PLPPR1: variants seen among roughly 807,000 people sequenced by gnomAD.
PLPPR1 encodes the protein phospholipid phosphatase-related protein type 1.
Under a neutral mutation model 33.1 loss-of-function variants are expected in PLPPR1, and 10 were observed. The ratio of observed to expected loss-of-function variants is 0.30; its 90% CI spans 0.19 to 0.51. The LOEUF is 0.51. PLPPR1 is among the 20% of genes least tolerant of loss of function. PLPPR1 has a pLI of 0.97. For synonymous variants in PLPPR1, 151 were observed against 151.0 expected (o/e 1.00, Z 0.00); for missense variants, 304 against 408.1 (o/e 0.74, Z 2.20).
chr9:101,245,996 C>T (rs1423713393), intron 2 of PLPPR1, among the ~76,000 whole-genome samples: 1 of 147,076 alleles, frequency 6.8e-6, no homozygotes, highest in Non-Finnish European at 1.5e-5. Context: ...ATTGTTTTAC[C>T]TCTGGGTCAA....
rs1187158033 is a variant in PLPPR1 at position 101,153,491 on chromosome 9, C to T, written c.-45-31959C>T. Among the ~76,000 whole-genome samples the T allele has an allele frequency of 2.0e-5, 3 of 152,214 alleles. No homozygotes were observed. In the East Asian group the frequency reaches 5.8e-4, roughly 29 times the overall value. ...GTGCCAGTTTTCAAAGGGAATGCTT[C>T]CAGTTTTTGCCCATTCAGTATGATA... On this transcript the variant is annotated intron_variant, in intron 1 of 7. Coordinates refer to ENST00000374874, the MANE Select transcript of PLPPR1 (RefSeq NM_207299.2).
At chr9:101,119,588 G>A (rs1831153873) in intron 1 of PLPPR1, among the ~76,000 whole-genome samples, 1 of 152,186 alleles carries the variant, frequency 6.6e-6, no homozygotes, top group Non-Finnish European at 1.5e-5. Context: ...TGAGGAGCTG[G>A]CACCTTGAAA....
Position 101,094,273 on chromosome 9 carries a change from A to AT in PLPPR1, c.-46+65177dup, listed in dbSNP as rs528272080. On this transcript the variant is annotated intron_variant, in intron 1 of 7. Transcript: ENST00000374874. ...GTTCTAACCTTCCTCTATAGCTCGC[A>AT]TTTTTTCTATTCTCTGTATAGTATC... 2.6e-3 allele frequency among the ~76,000 whole-genome samples: 389 copies of AT among 152,052 alleles called. 1 individual carries two copies. The highest frequency in any genetic ancestry group is 0.01 in the Middle Eastern group (3 of 294).
At chr9:101,085,891 C>A (rs1005803369) in intron 1 of PLPPR1, among the ~76,000 whole-genome samples, 2 of 152,068 alleles carry the variant, frequency 1.3e-5, no homozygotes, top group African/African-American at 4.8e-5. Flanking sequence ...TCATCCCAAT[C>A]AAGACCTTAA....
chr9:101,263,381 G>A (rs1827934866), intron 2 of PLPPR1, among the ~76,000 whole-genome samples: 1 of 152,168 alleles, frequency 6.6e-6, no homozygotes, highest in African/African-American at 2.4e-5. Flanking sequence ...AATGAAGCAT[G>A]TAATTCCTGC....
chr9:101,301,731 GT>G (rs964594889), intron 4 of PLPPR1, among the ~76,000 whole-genome samples: 1 of 152,160 alleles, frequency 6.6e-6, no homozygotes, highest in Non-Finnish European at 1.5e-5. Context: ...CACCGAATGT[GT>G]TTGTCATACT....
At chr9:101,101,182 G>A (rs563513427) in intron 1 of PLPPR1, among the ~76,000 whole-genome samples, 2 of 152,236 alleles carry the variant, frequency 1.3e-5, no homozygotes, top group African/African-American at 4.8e-5. Flanking sequence ...TGGCAGTCAT[G>A]AATTCTTCTA....
chr9:101,258,839 T>C (rs1298634751), intron 2 of PLPPR1, among the ~76,000 whole-genome samples: 2 of 152,106 alleles, frequency 1.3e-5, no homozygotes, highest in African/African-American at 4.8e-5. Flanking sequence ...TGCTGTAGGA[T>C]TTTATATTTA....
At chr9:101,287,595 G>A (rs1828416569) in intron 4 of PLPPR1, among the ~76,000 whole-genome samples, 2 of 152,202 alleles carry the variant, frequency 1.3e-5, no homozygotes, top group Admixed American at 1.3e-4. Context: ...CCGTCTGCCA[G>A]GTTCAAGCGA....
intron 1 of PLPPR1, among the ~76,000 whole-genome samples, chr9:101,123,233 C>T (rs1005256585): frequency 5.5e-4 from 36 of 65,858 alleles, no homozygotes; most frequent in African/African-American, 1.9e-3. Flanking sequence ...AAGTTAGTCC[C>T]GAACTAACTT....
chr9:101,180,980 A>G (rs1826099882), intron 1 of PLPPR1, among the ~76,000 whole-genome samples: 1 of 151,626 alleles, frequency 6.6e-6, no homozygotes. Flanking sequence ...TCAAACATAC[A>G]TCTGATGAGG....
intron 2 of PLPPR1, among the ~76,000 whole-genome samples, chr9:101,256,095 G>A (rs920676186): frequency 3.9e-5 from 6 of 151,920 alleles, no homozygotes; most frequent in Admixed American, 2.6e-4. Flanking sequence ...CTTAGTTTCC[G>A]CTCCTGCTCC....
intron 4 of PLPPR1, among the ~76,000 whole-genome samples, chr9:101,297,635 C>T (rs1364892344): frequency 6.6e-6 from 1 of 152,158 alleles, no homozygotes; most frequent in Non-Finnish European, 1.5e-5. Context: ...TCTCTATCCA[C>T]TTCTAAACCA....
chr9:101,063,423 A>G (rs1359312886), intron 1 of PLPPR1, among the ~76,000 whole-genome samples: 1 of 151,986 alleles, frequency 6.6e-6, no homozygotes, highest in African/African-American at 2.4e-5. Flanking sequence ...TAGTGGTGGC[A>G]CTTCCACCCA....
intron 2 of PLPPR1, among the ~76,000 whole-genome samples, chr9:101,205,119 T>C (rs1826565085): frequency 6.6e-6 from 1 of 152,164 alleles, no homozygotes; most frequent in African/African-American, 2.4e-5. Context: ...ATAAGATCAA[T>C]GCATGCTTTT....
chr9:101,166,897 A>G (rs547739744), intron 1 of PLPPR1, among the ~76,000 whole-genome samples: 11 of 151,718 alleles, frequency 7.3e-5, no homozygotes, highest in Non-Finnish European at 1.6e-4. Flanking sequence ...CTGCTATGAA[A>G]TCTCCTGTGG....
chr9:101,305,359 A>G (rs894179210), intron 4 of PLPPR1, among the ~76,000 whole-genome samples: 6 of 152,148 alleles, frequency 3.9e-5, no homozygotes, highest in Admixed American at 6.5e-5. Context: ...CCAACTTTCC[A>G]TCTTTTTTCA....
At chr9:101,224,305 T>C (rs896182359) in intron 2 of PLPPR1, among the ~76,000 whole-genome samples, 2 of 152,218 alleles carry the variant, frequency 1.3e-5, no homozygotes, top group Non-Finnish European at 2.9e-5. Context: ...GCCAGGATCA[T>C]ATCCAAAAGA....
At chr9:101,247,195 G>A (rs1310790533) in intron 2 of PLPPR1, among the ~76,000 whole-genome samples, 1 of 151,978 alleles carries the variant, frequency 6.6e-6, no homozygotes, top group Non-Finnish European at 1.5e-5. Flanking sequence ...GAAGCCATGA[G>A]CAGCAGCTCC....
Sources: allele counts gnomAD v4.1 joint callset (sites outside exome capture counted in the v4.1 genomes callset), GRCh38; gene constraint gnomAD v4.1.1; transcripts MANE v1.5; gene names NCBI Gene and HGNC (gene_info 2026-07-23, HGNC 2026-07-21).